Variants in IQCH observed in about 807,000 individuals in gnomAD.
The protein encoded by IQCH is IQ domain-containing protein H.
In IQCH, 98 loss-of-function variants were observed where a neutral mutation model predicts 117.0. The ratio of observed to expected loss-of-function variants is 0.84; its 90% CI spans 0.71 to 0.99. The LOEUF (loss-of-function observed/expected upper bound fraction) is 0.99. Among genes scored for constraint, IQCH ranks in the 50% least tolerant of loss-of-function variants. The pLI is 0.00. For missense variants in IQCH, 1,102 were observed against 1,243.8 expected (o/e 0.89, Z 1.72); for synonymous variants, 412 against 448.2 (o/e 0.92, Z 1.02).
At chr15:67,362,224 C>T (rs1435632123) in intron 8 of IQCH, among the ~76,000 whole-genome samples, 1 of 151,302 alleles carries the variant, frequency 6.6e-6, no homozygotes, top group African/African-American at 2.4e-5. Context: ...AAAATGTGTC[C>T]GTGGTAGTTT....
intron 13 of IQCH, among the ~76,000 whole-genome samples, chr15:67,399,211 T>C (rs910751978): frequency 5.9e-5 from 9 of 152,180 alleles, no homozygotes; most frequent in African/African-American, 2.2e-4. Flanking sequence ...CAATGCTGTG[T>C]GATTGTGGGA....
chr15:67,441,646 C>G (rs1160846868), intron 16 of IQCH, among the ~76,000 whole-genome samples: 1 of 152,182 alleles, frequency 6.6e-6, no homozygotes. Flanking sequence ...AAATGACACC[C>G]TTTTCAACAA....
intron 16 of IQCH, among the ~76,000 whole-genome samples, chr15:67,442,075 G>A (rs1177256818): frequency 6.6e-6 from 1 of 152,108 alleles, no homozygotes; most frequent in Non-Finnish European, 1.5e-5. Flanking sequence ...CTACGGACAT[G>A]AATAGACAGT....
intron 4 of IQCH, among the ~76,000 whole-genome samples, chr15:67,314,381 T>C (rs551600725): frequency 3.3e-5 from 5 of 151,668 alleles, no homozygotes; most frequent in African/African-American, 9.7e-5. Context: ...TCCCTTGTCT[T>C]CCCAATCTAA....
intron 3 of IQCH, among the ~76,000 whole-genome samples, chr15:67,276,075 AT>A (rs1404839082): frequency 3.3e-5 from 5 of 152,236 alleles, no homozygotes; most frequent in African/African-American, 1.2e-4. Context: ...TATGTATGTT[AT>A]ATAGCTATTA....
intron 4 of IQCH, among the ~76,000 whole-genome samples, chr15:67,328,860 A>G (rs966250228): frequency 3.9e-5 from 6 of 152,316 alleles, no homozygotes; most frequent in South Asian, 4.1e-4. Context: ...AGAATTCAGA[A>G]TGCTGGCTGC....
chr15:67,484,006 A>G (rs778269665), intron 18 of IQCH, among the ~76,000 whole-genome samples: 4 of 152,244 alleles, frequency 2.6e-5, no homozygotes, highest in Non-Finnish European at 4.4e-5. Context: ...GGAGACTTCA[A>G]AAGGACCAAA....
intron 7 of IQCH, 30 bp downstream of exon 7, chr15:67,357,451 A>C (rs779994497): frequency 3.0e-6 from 4 of 1,350,968 alleles, no homozygotes; most frequent in South Asian, 1.2e-5. Flanking sequence ...TAGAAAGAAA[A>C]TTATTCTTAT....
intron 4 of IQCH, among the ~76,000 whole-genome samples, chr15:67,287,562 T>C (rs1459221245): frequency 6.6e-6 from 1 of 152,142 alleles, no homozygotes; most frequent in East Asian, 1.9e-4. Context: ...GGCATATAAT[T>C]CCTCATAGAA....
chr15:67,372,680 C>A lies in IQCH; in HGVS notation c.1305+18C>A. ...GAGCCAAGGTGCACAAGGCTGCCAG[C>A]TGTTAAGGCAGACCTCTTTTTCTAA... On this transcript the variant is annotated intron_variant, in intron 9 of 20. Transcript: ENST00000335894. The A allele has an allele frequency of 6.4e-7, 1 of 1,566,190 alleles. No homozygotes were observed.
chr15:67,414,948 A>G (rs1043700909), intron 14 of IQCH, among the ~76,000 whole-genome samples: 1 of 152,262 alleles, frequency 6.6e-6, no homozygotes, highest in African/African-American at 2.4e-5. Flanking sequence ...TTTCCTTGCC[A>G]TTCCATTTTC....
rs1236751163 is a variant in IQCH, at chr15:67,466,243, T to G, written c.2676+946T>G. Among the ~76,000 whole-genome samples the G allele has an allele frequency of 6.6e-6, 1 of 151,950 alleles. No homozygotes were observed. The highest frequency in any genetic ancestry group is 1.5e-5 in the Non-Finnish European group (1 of 68,004). ...TGGGGACAGTGGGTGCTTGATTGAG[T>G]AGGCTAGGTTGGTCATGGAGAGAGA... On this transcript the variant is annotated intron_variant, in intron 17 of 20. Coordinates refer to ENST00000335894, the MANE Select transcript of IQCH (RefSeq NM_001031715.3). This position sits in a 1 kb window ranked among gnomAD's most constrained non-coding sequence, Gnocchi z 4.4.
At chr15:67,280,156 A>G (rs1966293632) in intron 4 of IQCH, among the ~76,000 whole-genome samples, 1 of 152,240 alleles carries the variant, frequency 6.6e-6, no homozygotes, top group Non-Finnish European at 1.5e-5. Context: ...CTAGAATTTC[A>G]TTTTATAGTT....
chr15:67,469,158 C>T (rs2083008836), intron 17 of IQCH, among the ~76,000 whole-genome samples: 1 of 151,710 alleles, frequency 6.6e-6, no homozygotes. Context: ...CTAGAAAAGG[C>T]TAACCTCTGA....
At chr15:67,394,091 T>C (rs192755173) in intron 12 of IQCH, among the ~76,000 whole-genome samples, 5 of 152,312 alleles carry the variant, frequency 3.3e-5, no homozygotes, top group Admixed American at 3.3e-4. Context: ...ATCACTTTCC[T>C]GTGTGCCATG....
At chr15:67,498,337 C>A (rs576486972) in intron 20 of IQCH, among the ~76,000 whole-genome samples, 2 of 152,180 alleles carry the variant, frequency 1.3e-5, no homozygotes, top group African/African-American at 4.8e-5. Context: ...TAAAATGGGC[C>A]GGGCGCGGTG....
Position 67,279,496 on chromosome 15 carries a change from T to C in IQCH, c.371T>C (p.Val124Ala). 1 of 1,594,304 alleles carries C rather than the reference T, an allele frequency of 6.3e-7. No homozygotes were observed. The highest frequency in any genetic ancestry group is 8.6e-7 in the Non-Finnish European group (1 of 1,166,740). The part of the protein sequence containing the change: ...PQRQHSSSLP[V>A]FPRAKIKVSK... ...AGACAGCACAGTTCATCTCTGCCTGTCTTTCCAAGAGCAAAGGTAGGTATA... is the reference window on the plus strand; with the variant it reads ...AGACAGCACAGTTCATCTCTGCCTGCCTTTCCAAGAGCAAAGGTAGGTATA... Residue 124 changes from valine to alanine, a missense_variant, in exon 4 of 21, where the codon GTC (valine) becomes GCC (alanine). Val to Ala is a moderately conservative substitution (Grantham distance 64, BLOSUM62 0). Transcript: ENST00000335894.
chr15:67,444,575 G>A (rs1437664321), intron 16 of IQCH, among the ~76,000 whole-genome samples: 1 of 152,174 alleles, frequency 6.6e-6, no homozygotes, highest in African/African-American at 2.4e-5. Context: ...AAGGTGGGAG[G>A]TGATGGGGAC....
chr15:67,353,018 C>T (rs190005851), intron 6 of IQCH, among the ~76,000 whole-genome samples: 16 of 151,968 alleles, frequency 1.1e-4, no homozygotes, highest in African/African-American at 3.9e-4. Flanking sequence ...TGGTGGTGCG[C>T]ACCTGTAATC....
Sources: gnomAD v4.1 joint callset for allele counts (sites outside exome capture counted in the v4.1 genomes callset) on GRCh38, gnomAD v4.1.1 for gene constraint, Gnocchi (gnomAD v3.1) non-coding constraint, MANE v1.5 for transcripts, NCBI Gene and HGNC (gene_info 2026-07-23, HGNC 2026-07-21) for gene names.